Variants in DOCK1 observed in about 807,000 individuals in gnomAD.
The protein encoded by DOCK1 is dedicator of cytokinesis 1.
Under a neutral mutation model 262.7 loss-of-function variants are expected in DOCK1, and 138 were observed. The observed-to-expected ratio is 0.53, with a 90% confidence interval of 0.46 to 0.61. The LOEUF (loss-of-function observed/expected upper bound fraction) is 0.61, where lower values mean the gene tolerates loss of function less well. DOCK1 is among the 20% of genes least tolerant of loss of function. The pLI, the probability that DOCK1 is intolerant of heterozygous loss-of-function variation, is 0.00. For missense variants in DOCK1, 1,908 were observed against 2,370.7 expected (o/e 0.80, Z 4.05); for synonymous variants, 866 against 867.4 (o/e 1.00, Z 0.03).
At chr10:127,194,847 A>G (rs1292605683) in intron 27 of DOCK1, among the ~76,000 whole-genome samples, 2 of 152,044 alleles carry the variant, frequency 1.3e-5, no homozygotes, top group African/African-American at 4.8e-5. Flanking sequence ...TTGCAGTTTC[A>G]CCTCGGGATG....
chr10:127,078,616 A>C lies in DOCK1; in HGVS notation c.2445+16840A>C, dbSNP rs530762708. Among the ~76,000 whole-genome samples, 19 of 152,358 alleles carry C rather than the reference A, an allele frequency of 1.2e-4. 1 individual carries two copies. The South Asian group carries it at 3.9e-3, about 32-fold the overall frequency. On this transcript the variant is annotated intron_variant, in intron 23 of 51. Coordinates refer to ENST00000623213, the MANE Select transcript of DOCK1 (RefSeq NM_001290223.2). Reference sequence around the variant, plus strand: ...CTGGGTATCTACCCAGAGGAAAAGAAGTCATTATATGAAAAAGATACTTGT... The same window carrying C: ...CTGGGTATCTACCCAGAGGAAAAGACGTCATTATATGAAAAAGATACTTGT...
At chr10:126,935,389 C>T (rs2134209769) in intron 1 of DOCK1, among the ~76,000 whole-genome samples, 1 of 152,280 alleles carries the variant, frequency 6.6e-6, no homozygotes, top group Admixed American at 6.5e-5. Context: ...GCTGGCAGCC[C>T]CCAGAGGAGT....
At chr10:127,297,585 A>G (rs766823914) in intron 29 of DOCK1, among the ~76,000 whole-genome samples, 10 of 152,242 alleles carry the variant, frequency 6.6e-5, no homozygotes, top group East Asian at 1.9e-4. Context: ...TCACGTTTTC[A>G]TAATTAACCA....
At chr10:127,429,812 G>C (rs1214801089) in intron 47 of DOCK1, among the ~76,000 whole-genome samples, 1 of 149,570 alleles carries the variant, frequency 6.7e-6, no homozygotes, top group Non-Finnish European at 1.5e-5. Flanking sequence ...GCCCTCACCG[G>C]CCCACAGCGC....
At chr10:127,341,735 G>A (rs375449688) in intron 30 of DOCK1, among the ~76,000 whole-genome samples, 3 of 152,228 alleles carry the variant, frequency 2.0e-5, no homozygotes, top group East Asian at 3.9e-4. Context: ...GACTCTCACC[G>A]TGAGCCCGCA....
chr10:126,926,423 A>G (rs1168724217), intron 1 of DOCK1, among the ~76,000 whole-genome samples: 3 of 152,156 alleles, frequency 2.0e-5, no homozygotes. Flanking sequence ...ATTTTCCCGT[A>G]AGTATTTTCA....
intron 38 of DOCK1, among the ~76,000 whole-genome samples, chr10:127,386,227 C>T (rs768570023): frequency 2.6e-5 from 4 of 152,098 alleles, no homozygotes; most frequent in African/African-American, 9.7e-5. Flanking sequence ...GAAAGTCTGA[C>T]GTTTTCAGAA....
At chr10:127,093,677 T>C (rs1283108153) in intron 23 of DOCK1, among the ~76,000 whole-genome samples, 2 of 151,668 alleles carry the variant, frequency 1.3e-5, no homozygotes, top group African/African-American at 4.8e-5. Context: ...CTTATAAAGA[T>C]AGTCATCATT....
At chr10:127,195,587 T>TA (rs1203714801) in intron 27 of DOCK1, among the ~76,000 whole-genome samples, 1 of 151,704 alleles carries the variant, frequency 6.6e-6, no homozygotes, top group Non-Finnish European at 1.5e-5. Flanking sequence ...GGAAAATACT[T>TA]AAAAGCCTCG....
At chr10:127,288,722 A>G (rs1276320822) in intron 29 of DOCK1, among the ~76,000 whole-genome samples, 2 of 150,940 alleles carry the variant, frequency 1.3e-5, no homozygotes, top group African/African-American at 2.4e-5. Context: ...ATAATTTGTA[A>G]TATACAGCAT....
chr10:127,441,162 CT>C (rs897933278), intron 49 of DOCK1, among the ~76,000 whole-genome samples: 11 of 152,266 alleles, frequency 7.2e-5, no homozygotes, highest in African/African-American at 2.4e-4. Context: ...TCACAGCTGA[CT>C]TGTGTGAAAA....
At chr10:127,298,155 C>T (rs1238532127) in intron 29 of DOCK1, among the ~76,000 whole-genome samples, 1 of 152,106 alleles carries the variant, frequency 6.6e-6, no homozygotes, top group African/African-American at 2.4e-5. Context: ...AGTATTTGTT[C>T]ATGCATACTG....
chr10:127,165,898 C>G (rs2054025312), intron 27 of DOCK1, among the ~76,000 whole-genome samples: 1 of 152,170 alleles, frequency 6.6e-6, no homozygotes, highest in Non-Finnish European at 1.5e-5. Flanking sequence ...GAGGGGATCT[C>G]TGCTGTCTCT....
intron 29 of DOCK1, among the ~76,000 whole-genome samples, chr10:127,288,737 T>C (rs2061245944): frequency 6.7e-6 from 1 of 149,802 alleles, no homozygotes; most frequent in Non-Finnish European, 1.5e-5. Context: ...CAGCATAATA[T>C]AGAATACATA....
At chr10:127,043,256 G>A (rs1413773995) in intron 21 of DOCK1, 92 bp downstream of exon 21, 3 of 988,718 alleles carry the variant, frequency 3.0e-6, no homozygotes, top group Non-Finnish European at 3.1e-6. Flanking sequence ...CTATGACTGT[G>A]TATTTACTCC....
chr10:127,012,477 T>A lies in DOCK1; in HGVS notation c.1201+103T>A. Reference sequence around the variant, plus strand: ...TTGATGTTGATCATGATGGTGGTGATAATGATGGGGATGACAGTGATCGTG... The same window carrying A: ...TTGATGTTGATCATGATGGTGGTGAAAATGATGGGGATGACAGTGATCGTG... On this transcript the variant is annotated intron_variant, in intron 12 of 51. Transcript: ENST00000623213. The surrounding 1 kb of genome is among the most constrained non-coding windows in gnomAD (Gnocchi z 4.0). 1.1e-6 allele frequency: 1 copy of A among 951,714 alleles called. No homozygotes were observed. Among genetic ancestry groups the A allele is most frequent in the Non-Finnish European group, 1.7e-6 (1 of 602,344 alleles). 59.0% of individuals were successfully genotyped at this position (951,714 alleles called of 1,614,324 possible).
chr10:127,333,663 C>T (rs1183795874), intron 29 of DOCK1, among the ~76,000 whole-genome samples: 2 of 152,208 alleles, frequency 1.3e-5, no homozygotes, highest in African/African-American at 4.8e-5. Context: ...CTGGCGGGAC[C>T]TCCTCCAGAA....
At chr10:127,425,610 A>G (rs2068764410) in intron 46 of DOCK1, among the ~76,000 whole-genome samples, 1 of 152,208 alleles carries the variant, frequency 6.6e-6, no homozygotes, top group African/African-American at 2.4e-5. Flanking sequence ...AGTGAAAAGC[A>G]CAGATAAGTC....
intron 29 of DOCK1, among the ~76,000 whole-genome samples, chr10:127,320,144 A>C (rs2062455884): frequency 9.7e-6 from 1 of 102,938 alleles, no homozygotes; most frequent in Non-Finnish European, 2.0e-5. Context: ...TAGCCGTCTA[A>C]GAGCAGAAGC....
Sources: allele counts gnomAD v4.1 joint callset (sites outside exome capture counted in the v4.1 genomes callset), GRCh38; gene constraint gnomAD v4.1.1; non-coding constraint Gnocchi (gnomAD v3.1); transcripts MANE v1.5; gene names NCBI Gene and HGNC (gene_info 2026-07-23, HGNC 2026-07-21).